The following RABEP1 variants were observed in gnomAD, a reference collection of about 807,000 sequenced individuals.
RABEP1 encodes rab GTPase-binding effector protein 1.
In RABEP1, 51 loss-of-function variants were observed where a neutral mutation model predicts 123.4. That is an observed-to-expected ratio of 0.41 (90% CI 0.33 to 0.52). RABEP1 has a LOEUF of 0.52. RABEP1 is among the 20% of genes least tolerant of loss of function. The pLI is 0.16. For synonymous variants in RABEP1, 347 were observed against 355.2 expected (o/e 0.98, Z 0.26); for missense variants, 888 against 996.3 (o/e 0.89, Z 1.46).
chr17:5,375,862 TTTTATTTA>T (rs148587942), intron 13 of RABEP1, among the ~76,000 whole-genome samples: 1,607 of 149,948 alleles, frequency 0.011, 5 homozygotes, highest in Middle Eastern at 0.02. Flanking sequence ...TTTTATTTCA[TTTTATTTA>T]TTTATTTATT....
chr17:5,363,282 G>A (rs995592013), intron 10 of RABEP1, among the ~76,000 whole-genome samples: 3 of 151,204 alleles, frequency 2.0e-5, no homozygotes, highest in Admixed American at 6.6e-5. Flanking sequence ...AGTGCAGGGG[G>A]GATCTCAGCT....
chr17:5,349,599 G>T (rs989291704), intron 6 of RABEP1, among the ~76,000 whole-genome samples: 1 of 152,156 alleles, frequency 6.6e-6, no homozygotes, highest in Non-Finnish European at 1.5e-5. Context: ...CTGGATAACA[G>T]ATTTATCAGA....
intron 1 of RABEP1, among the ~76,000 whole-genome samples, chr17:5,307,568 T>G (rs1245985537): frequency 6.6e-6 from 1 of 152,160 alleles, no homozygotes; most frequent in African/African-American, 2.4e-5. Context: ...AGTGGTTGAT[T>G]AGTACTAACC....
intron 11 of RABEP1, among the ~76,000 whole-genome samples, chr17:5,365,848 A>G (rs1264462566): frequency 6.6e-6 from 1 of 152,152 alleles, no homozygotes; most frequent in African/African-American, 2.4e-5. Flanking sequence ...TGATGCACGG[A>G]GTGTTTGTTC....
intron 5 of RABEP1, among the ~76,000 whole-genome samples, chr17:5,343,179 G>T (rs1039125121): frequency 3.3e-5 from 5 of 152,150 alleles, no homozygotes; most frequent in Non-Finnish European, 7.3e-5. Context: ...TTGAACCTGG[G>T]AGGCGGAGGT....
chr17:5,367,549 G>C (rs371291734), intron 11 of RABEP1, among the ~76,000 whole-genome samples: 5 of 149,914 alleles, frequency 3.3e-5, no homozygotes, highest in Non-Finnish European at 7.4e-5. Flanking sequence ...GATTACAGGC[G>C]TGAGTCACCG....
At chr17:5,358,505 A>AT (rs1283102569) in intron 8 of RABEP1, among the ~76,000 whole-genome samples, 1 of 152,030 alleles carries the variant, frequency 6.6e-6, no homozygotes, top group East Asian at 1.9e-4. Context: ...ACTCATCCCT[A>AT]CTAAAAATAC....
At chr17:5,372,687 G>A (rs1910615850) in intron 12 of RABEP1, among the ~76,000 whole-genome samples, 1 of 152,164 alleles carries the variant, frequency 6.6e-6, no homozygotes, top group Non-Finnish European at 1.5e-5. Context: ...AGGTCTTGAT[G>A]GTGTCAGCCA....
Position 5,385,619 on chromosome 17 carries a change from G to T in RABEP1, c.*2396G>T. 4.3e-6 allele frequency: 1 copy of T among 230,972 alleles called. No individual in the cohort carries two copies. 14.3% of individuals were successfully genotyped at this position (230,972 alleles called of 1,614,324 possible). A position where few individuals can be genotyped will look rare whatever the true frequency, so the allele number is the denominator to read the frequency against. ...CATGTCCACTCAGTAACAAGTATTG[G>T]GACGTAGAGCACAGCCTCACTCAGC... On this transcript the variant is annotated 3_prime_UTR_variant, in exon 18 of 18. Coordinates refer to ENST00000537505, the MANE Select transcript of RABEP1 (RefSeq NM_004703.6).
At position 5,386,282 on chromosome 17, in the gene RABEP1, A is replaced by G. The variant is rs1911967261; in HGVS notation, c.*3059A>G. On this transcript the variant is annotated 3_prime_UTR_variant, in exon 18 of 18. Coordinates refer to ENST00000537505, the MANE Select transcript of RABEP1 (RefSeq NM_004703.6). Reference sequence around the variant, plus strand: ...TATATGTTCACCCCTGTAAAATTGTAAAGTCACTCACTTTTGGAATTATAA... The same window carrying G: ...TATATGTTCACCCCTGTAAAATTGTGAAGTCACTCACTTTTGGAATTATAA... The G allele has an allele frequency of 6.3e-7, 1 of 1,587,886 alleles. No individual in the cohort carries two copies. The highest frequency in any genetic ancestry group is 1.3e-5 in the African/African-American group (1 of 74,094).
intron 7 of RABEP1, among the ~76,000 whole-genome samples, chr17:5,351,251 C>T (rs942058493): frequency 6.6e-6 from 1 of 151,858 alleles, no homozygotes; most frequent in Admixed American, 6.6e-5. Flanking sequence ...TTCTCCTTAT[C>T]TTTTAGTTAT....
At chr17:5,354,903 ATCC>A (rs1386690052) in intron 8 of RABEP1, among the ~76,000 whole-genome samples, 33 of 152,294 alleles carry the variant, frequency 2.2e-4, no homozygotes, top group African/African-American at 7.9e-4. Context: ...TTAGGTTTTC[ATCC>A]CTGACGGCCA....
chr17:5,377,518 AAATTTTTT>A (rs1196609994), intron 14 of RABEP1, among the ~76,000 whole-genome samples: 4 of 125,920 alleles, frequency 3.2e-5, no homozygotes, highest in South Asian at 2.5e-4. Context: ...GTTATTTAAA[AAATTTTTT>A]TTTTTTTTTT....
intron 3 of RABEP1, 64 bp from the exon 4 acceptor site, chr17:5,335,120 T>C (rs1224689821): frequency 7.1e-7 from 1 of 1,398,870 alleles, no homozygotes; most frequent in Admixed American, 2.3e-5. Context: ...TTAAAAAATT[T>C]AGTGTGCCAG....
chr17:5,290,540 C>T (rs532378020), intron 1 of RABEP1, among the ~76,000 whole-genome samples: 1 of 152,160 alleles, frequency 6.6e-6, no homozygotes, highest in East Asian at 1.9e-4. Context: ...TCATTAACAT[C>T]TTTACAATTA....
chr17:5,313,281 T>C (rs2075263187), intron 2 of RABEP1, among the ~76,000 whole-genome samples: 1 of 152,188 alleles, frequency 6.6e-6, no homozygotes, highest in African/African-American at 2.4e-5. Context: ...AAGGTTGTGG[T>C]AGTATTTTCT....
At chr17:5,369,190 C>A (rs1348139068) in intron 12 of RABEP1, among the ~76,000 whole-genome samples, 1 of 152,188 alleles carries the variant, frequency 6.6e-6, no homozygotes, top group African/African-American at 2.4e-5. Flanking sequence ...GGGGACCTTC[C>A]AGAAGGCCAT....
In RABEP1 at chr17:5,386,112, C is replaced by G. The variant is rs774566614; in HGVS notation, c.*2889C>G. ...AACCACACCAAAGGTCATCAAAACA[C>G]CTTTTTATAAATTAGATAATTCTAC... is the stretch of plus-strand genomic sequence containing the variant. On this transcript the variant is annotated 3_prime_UTR_variant, in exon 18 of 18. Transcript: ENST00000537505. The G allele has an allele frequency of 1.2e-5, 11 of 913,046 alleles. No individual in the cohort carries two copies. Among genetic ancestry groups the G allele is most frequent in the Non-Finnish European group, 1.7e-5 (10 of 595,522 alleles). The allele number at this position is 913,046 out of a possible 1,614,324, so 56.6% of individuals were successfully genotyped here.
At chr17:5,368,566 C>A in intron 12 of RABEP1, 98 bp downstream of exon 12, 1 of 831,470 alleles carries the variant, frequency 1.2e-6, no homozygotes, top group South Asian at 1.6e-5. Flanking sequence ...TCATCCTGTC[C>A]AAAGTAGTTA....
Sources: allele counts gnomAD v4.1 joint callset (sites outside exome capture counted in the v4.1 genomes callset), GRCh38; gene constraint gnomAD v4.1.1; transcripts MANE v1.5; gene names NCBI Gene and HGNC (gene_info 2026-07-23, HGNC 2026-07-21).